The following FOXP1 variants were observed in gnomAD, a reference collection of about 807,000 sequenced individuals.
FOXP1 encodes the protein forkhead box P1.
In FOXP1, 15 loss-of-function variants were observed where a neutral mutation model predicts 98.2. The ratio of observed to expected loss-of-function variants is 0.15; its 90% CI spans 0.10 to 0.24. FOXP1 has a LOEUF of 0.24. FOXP1 is among the 10% of genes least tolerant of loss of function. The pLI is 1.00. For synonymous variants in FOXP1, 371 were observed against 314.5 expected (o/e 1.18, Z -1.90); for missense variants, 633 against 848.5 (o/e 0.75, Z 3.15).
intron 5 of FOXP1, among the ~76,000 whole-genome samples, chr3:71,252,669 G>A (rs759976425): frequency 3.3e-5 from 5 of 152,102 alleles, no homozygotes; most frequent in African/African-American, 1.2e-4. Flanking sequence ...TACTTGACAG[G>A]TACTATGATT....
In FOXP1 at chr3:70,955,521, T is replaced by C. The variant is rs373482424; in HGVS notation, c.*3726A>G. On this transcript the variant is annotated 3_prime_UTR_variant, in exon 21 of 21. Coordinates refer to ENST00000649528, the MANE Select transcript of FOXP1 (RefSeq NM_001349338.3). The stretch of plus-strand genomic sequence containing the variant: ...TACCTCCCTAATGTATGCTTTTCTT[T>C]GAGAAAAAAAAAGTAACAGATTTTC... The C allele has an allele frequency of 4.3e-6, 1 of 231,902 alleles. No homozygotes were observed. The allele number at this position is 231,902 out of a possible 1,614,324, so 14.4% of individuals were successfully genotyped here. A position where few individuals can be genotyped will look rare whatever the true frequency, so the allele number is the denominator to read the frequency against.
intron 3 of FOXP1, among the ~76,000 whole-genome samples, chr3:71,434,982 A>C (rs2085106796): frequency 2.0e-5 from 3 of 151,804 alleles, no homozygotes; most frequent in Admixed American, 1.3e-4. Flanking sequence ...ATAGCCAGGT[A>C]TTAGATGGCC....
At chr3:71,049,582 A>G (rs1313127636) in intron 9 of FOXP1, among the ~76,000 whole-genome samples, 1 of 151,496 alleles carries the variant, frequency 6.6e-6, no homozygotes, top group African/African-American at 2.4e-5. Flanking sequence ...GCAAAGGTAC[A>G]TCGTTCTGGC....
At chr3:71,015,368 T>C (rs35540554) in intron 12 of FOXP1, among the ~76,000 whole-genome samples, 181 bp downstream of exon 12, 1 of 152,128 alleles carries the variant, frequency 6.6e-6, no homozygotes. Flanking sequence ...CCCATTGTAG[T>C]ACAACCCTCA....
chr3:71,483,841 A>G (rs909699638), intron 3 of FOXP1, among the ~76,000 whole-genome samples: 1 of 152,110 alleles, frequency 6.6e-6, no homozygotes, highest in African/African-American at 2.4e-5. Flanking sequence ...CTAAAAACAC[A>G]GTAGTAAAAA....
At chr3:71,136,325 C>G (rs1263642324) in intron 6 of FOXP1, among the ~76,000 whole-genome samples, 2 of 152,196 alleles carry the variant, frequency 1.3e-5, no homozygotes, top group Non-Finnish European at 2.9e-5. Context: ...ACTCCTTTAG[C>G]ATAGTGTAAA....
At chr3:71,392,919 G>A (rs1560418108) in intron 3 of FOXP1, among the ~76,000 whole-genome samples, 1 of 152,050 alleles carries the variant, frequency 6.6e-6, no homozygotes, top group African/African-American at 2.4e-5. Context: ...AAGAACAAAT[G>A]AAAAAAGTGA....
Position 71,433,641 on chromosome 3 carries a change from G to A in FOXP1, c.-168+59785C>T, listed in dbSNP as rs555128832. ...CAAACAGAATATAAAACAGGTTCAC[G>A]GGGGCTCTATTTTCCTCCCTGGTGA... On this transcript the variant is annotated intron_variant, in intron 3 of 20. Coordinates refer to ENST00000649528, the MANE Select transcript of FOXP1 (RefSeq NM_001349338.3). Among the ~76,000 whole-genome samples, 12 of 152,190 alleles carry A rather than the reference G, an allele frequency of 7.9e-5. No homozygotes were observed. In the South Asian group the frequency reaches 1.7e-3, roughly 21 times the overall value.
chr3:71,088,237 A>C (rs567397127), intron 7 of FOXP1, among the ~76,000 whole-genome samples: 1 of 152,142 alleles, frequency 6.6e-6, no homozygotes, highest in South Asian at 2.1e-4. Flanking sequence ...TCAGTCCCTC[A>C]CTCAGTCAAG....
intron 7 of FOXP1, among the ~76,000 whole-genome samples, chr3:71,077,402 A>G (rs539736458): frequency 9.9e-5 from 15 of 152,230 alleles, no homozygotes; most frequent in African/African-American, 3.1e-4. Flanking sequence ...GGAGTGGGGG[A>G]AAGACAGCTA....
At chr3:71,418,942 A>G (rs1046892473) in intron 3 of FOXP1, among the ~76,000 whole-genome samples, 3 of 151,114 alleles carry the variant, frequency 2.0e-5, no homozygotes, top group Non-Finnish European at 3.0e-5. Context: ...TCTCAAAAAA[A>G]AAAAAAAAAA....
At chr3:71,453,814 C>T (rs1357597613) in intron 3 of FOXP1, among the ~76,000 whole-genome samples, 1 of 152,172 alleles carries the variant, frequency 6.6e-6, no homozygotes, top group Non-Finnish European at 1.5e-5. Flanking sequence ...CACCAACATC[C>T]TAATAGCTTC....
chr3:71,559,763 C>G (rs2046399006), intron 2 of FOXP1, among the ~76,000 whole-genome samples: 1 of 152,076 alleles, frequency 6.6e-6, no homozygotes, highest in Admixed American at 6.6e-5. Flanking sequence ...GGGAGGATCA[C>G]TTGAGCCTGG....
At chr3:71,027,203 A>G (rs2046246268) in intron 11 of FOXP1, among the ~76,000 whole-genome samples, 1 of 149,556 alleles carries the variant, frequency 6.7e-6, no homozygotes, top group Admixed American at 6.7e-5. Context: ...CACAAGGTCT[A>G]TGTGGAACCT....
chr3:71,250,050 G>A (rs144671052), intron 5 of FOXP1, among the ~76,000 whole-genome samples: 65 of 152,346 alleles, frequency 4.3e-4, no homozygotes, highest in African/African-American at 1.5e-3. Flanking sequence ...GGGGGCCACA[G>A]AAGTCCACCC....
At chr3:71,384,180 T>C (rs2080393208) in intron 3 of FOXP1, among the ~76,000 whole-genome samples, 1 of 152,048 alleles carries the variant, frequency 6.6e-6, no homozygotes, top group African/African-American at 2.4e-5. Context: ...AGATCGCCCG[T>C]TGCAATCTGG....
chr3:71,575,391 A>G (rs1216803522), intron 2 of FOXP1, among the ~76,000 whole-genome samples: 1 of 152,178 alleles, frequency 6.6e-6, no homozygotes, highest in African/African-American at 2.4e-5. Context: ...AATGTACGTT[A>G]CCATGTCAAT....
rs1234343955 is a variant in FOXP1 at position 70,977,716 on chromosome 3, A to G, written c.1355T>C (p.Ile452Thr). 1.2e-6 allele frequency: 2 copies of G among 1,614,018 alleles called. No homozygotes were observed. Among genetic ancestry groups the G allele is most frequent in the Non-Finnish European group, 1.7e-6 (2 of 1,179,976 alleles). ...CTTATAAAATTCTTGGTTCTGCGCA[A>G]TATCTGCTGAATAAGAATCATTGTC... ...KYNVPISSAD[I>T]AQNQEFYKNA... Residue 452 changes from isoleucine (I) to threonine (T), a missense_variant, in exon 16 of 21, where the codon ATT (isoleucine) becomes ACT (threonine). Transcript: ENST00000649528.
At chr3:70,988,324 C>T (rs2107497480) in intron 13 of FOXP1, among the ~76,000 whole-genome samples, 1 of 152,230 alleles carries the variant, frequency 6.6e-6, no homozygotes, top group East Asian at 1.9e-4. Context: ...TGGCACCACG[C>T]AGTCCCATGG....
Sources: allele counts gnomAD v4.1 joint callset (sites outside exome capture counted in the v4.1 genomes callset), GRCh38; gene constraint gnomAD v4.1.1; transcripts MANE v1.5; gene names NCBI Gene and HGNC (gene_info 2026-07-23, HGNC 2026-07-21).